ARHGAP5: variants seen among roughly 807,000 people sequenced by gnomAD.
ARHGAP5 encodes the protein Rho GTPase activating protein 5.
Under a neutral mutation model 116.6 loss-of-function variants are expected in ARHGAP5, and 23 were observed. That is an observed-to-expected ratio of 0.20 (90% confidence interval 0.14 to 0.28). The LOEUF (loss-of-function observed/expected upper bound fraction) is 0.28, where lower values mean the gene tolerates loss of function less well. Among genes scored for constraint, ARHGAP5 ranks in the 10% least tolerant of loss-of-function variants. The probability of loss-of-function intolerance (pLI) is 1.00; values close to 1 mark genes in which losing one functional copy is unlikely to be tolerated. For synonymous variants in ARHGAP5, 574 were observed against 602.0 expected (o/e 0.95, Z 0.68); for missense variants, 1,405 against 1,774.8 (o/e 0.79, Z 3.74).
At chr14:32,133,222 G>T (rs1230816274) in intron 3 of ARHGAP5, among the ~76,000 whole-genome samples, 2 of 152,150 alleles carry the variant, frequency 1.3e-5, no homozygotes, top group African/African-American at 4.8e-5. Context: ...CCATGAGCAT[G>T]GAATGTTCTT....
chr14:32,112,394 T>A (rs1038296351), intron 2 of ARHGAP5, among the ~76,000 whole-genome samples: 3 of 152,204 alleles, frequency 2.0e-5, no homozygotes, highest in Admixed American at 1.3e-4. Context: ...CCTAGTCATG[T>A]TTACGTATAC....
chr14:32,077,667 G>T (rs1304287882), intron 1 of ARHGAP5, among the ~76,000 whole-genome samples: 1 of 152,168 alleles, frequency 6.6e-6, no homozygotes, highest in African/African-American at 2.4e-5. Context: ...AGAGGCCGGG[G>T]GAGGGGGTGC....
chr14:32,107,649 T>C (rs1879078357), intron 2 of ARHGAP5, among the ~76,000 whole-genome samples: 1 of 152,220 alleles, frequency 6.6e-6, no homozygotes, highest in Admixed American at 6.5e-5. Flanking sequence ...CAAGGTTGAC[T>C]CCTAGGTTTA....
At chr14:32,118,621 T>C (rs1220755635) in intron 3 of ARHGAP5, among the ~76,000 whole-genome samples, 1 of 152,242 alleles carries the variant, frequency 6.6e-6, no homozygotes. Flanking sequence ...CTCTTTATCA[T>C]TTATTTTTCC....
At chr14:32,151,618 T>C (rs919587624) in intron 5 of ARHGAP5, among the ~76,000 whole-genome samples, 1 of 152,248 alleles carries the variant, frequency 6.6e-6, no homozygotes, top group Non-Finnish European at 1.5e-5. Context: ...AGAAGTTTTA[T>C]TGGAGTATAG....
At chr14:32,131,911 A>T (rs547931706) in intron 3 of ARHGAP5, among the ~76,000 whole-genome samples, 1 of 152,330 alleles carries the variant, frequency 6.6e-6, no homozygotes, top group African/African-American at 2.4e-5. Context: ...AAAGGACATG[A>T]ACTCATCATT....
Position 32,079,935 on chromosome 14 carries a change from A to G in ARHGAP5, c.-169+2500A>G, listed in dbSNP as rs868399374. ...GTACAGTGTTGTTTTAGTGATGTCT[A>G]TGTTCCTAAAAGATACTTGTATTAT... On this transcript the variant is annotated intron_variant, in intron 1 of 6. Coordinates refer to ENST00000345122, the MANE Select transcript of ARHGAP5 (RefSeq NM_001030055.2). 3.9e-5 allele frequency among the ~76,000 whole-genome samples: 6 copies of G among 152,176 alleles called. No homozygotes were observed. The South Asian group carries it at 8.3e-4, about 21-fold the overall frequency.
intron 2 of ARHGAP5, among the ~76,000 whole-genome samples, chr14:32,111,432 A>G (rs1879290622): frequency 6.6e-6 from 1 of 152,218 alleles, no homozygotes; most frequent in African/African-American, 2.4e-5. Context: ...AGTCAAGATG[A>G]GAACTGAGAA....
intron 1 of ARHGAP5, among the ~76,000 whole-genome samples, chr14:32,085,491 C>A (rs539752484): frequency 6.6e-6 from 1 of 152,156 alleles, no homozygotes; most frequent in Non-Finnish European, 1.5e-5. Flanking sequence ...ATCAGTACTA[C>A]ACTCTGTTCA....
In ARHGAP5 at chr14:32,092,721, G is replaced by T; in HGVS notation, c.2052G>T (p.Gln684His). ...GGAAAATAAGAACTGAAGCTTCTCA[G>T]ATCAGAAAAGATAAATACATGGCTA... Reference protein sequence around the residue: ...FIGKIRTEASQIRKDKYMANL... With the variant: ...FIGKIRTEASHIRKDKYMANL... Residue 684 changes from glutamine to histidine, a missense_variant, in exon 2 of 7, where the codon CAG becomes CAT. Physicochemically the swap from Gln to His is conservative, Grantham distance 24. Transcript: ENST00000345122. This position sits in a 1 kb window ranked among gnomAD's most constrained non-coding sequence, Gnocchi z 4.1. 6.2e-7 allele frequency: 1 copy of T among 1,613,598 alleles called. No individual in the cohort carries two copies.
chr14:32,079,774 T>C (rs2041753792), intron 1 of ARHGAP5, among the ~76,000 whole-genome samples: 1 of 152,216 alleles, frequency 6.6e-6, no homozygotes, highest in African/African-American at 2.4e-5. Flanking sequence ...TCTTGGTAGC[T>C]ACAGAATAAG....
rs748648727 is a variant in ARHGAP5 at position 32,154,886 on chromosome 14, C to T, written c.4447C>T (p.Pro1483Ser). 1.9e-6 allele frequency: 3 copies of T among 1,614,014 alleles called. No individual in the cohort carries two copies. The highest frequency in any genetic ancestry group is 1.3e-5 in the African/African-American group (1 of 75,026). ...VEPMVPLQLP[P>S]PLQPQLIQPQ... is the part of the protein sequence containing the mutation. ...ACCAATGGTGCCACTTCAGTTGCCG[C>T]CACCATTGCAACCTCAGCTGATACA... Residue 1483 changes from proline (P) to serine (S), a missense_variant, in exon 7 of 7, where the codon CCA becomes TCA. Pro to Ser is a moderately conservative substitution (Grantham distance 74, BLOSUM62 -1). Coordinates refer to ENST00000345122, the MANE Select transcript of ARHGAP5 (RefSeq NM_001030055.2).
intron 2 of ARHGAP5, among the ~76,000 whole-genome samples, chr14:32,095,141 T>G (rs1878455210): frequency 6.6e-6 from 1 of 152,208 alleles, no homozygotes; most frequent in Admixed American, 6.5e-5. Flanking sequence ...TAGGCTTTTA[T>G]GCTAATGTGT....
intron 2 of ARHGAP5, among the ~76,000 whole-genome samples, chr14:32,104,503 G>T (rs1461358256): frequency 6.6e-6 from 1 of 152,148 alleles, no homozygotes; most frequent in African/African-American, 2.4e-5. Flanking sequence ...GTTTTCTGAA[G>T]TGTGTTTGGA....
chr14:32,130,758 C>T (rs1880445389), intron 3 of ARHGAP5, among the ~76,000 whole-genome samples: 1 of 151,286 alleles, frequency 6.6e-6, no homozygotes, highest in Non-Finnish European at 1.5e-5. Context: ...GTCTCAAACT[C>T]CTGGCCTTGT....
intron 3 of ARHGAP5, among the ~76,000 whole-genome samples, chr14:32,122,660 T>C (rs1429873693): frequency 1.3e-5 from 2 of 152,214 alleles, no homozygotes; most frequent in African/African-American, 4.8e-5. Flanking sequence ...CATTTAGGTC[T>C]GTGATCCATT....
intron 2 of ARHGAP5, among the ~76,000 whole-genome samples, chr14:32,108,816 A>T (rs1338763818): frequency 6.6e-6 from 1 of 152,150 alleles, no homozygotes; most frequent in Non-Finnish European, 1.5e-5. Context: ...AATATAAATG[A>T]TGTTATAGAA....
chr14:32,124,410 A>G (rs1055273601), intron 3 of ARHGAP5, among the ~76,000 whole-genome samples: 1 of 152,190 alleles, frequency 6.6e-6, no homozygotes, highest in African/African-American at 2.4e-5. Context: ...GTACTATCTT[A>G]ATAAGTTGTG....
intron 1 of ARHGAP5, among the ~76,000 whole-genome samples, chr14:32,085,708 C>G (rs993702076): frequency 6.6e-6 from 1 of 152,124 alleles, no homozygotes; most frequent in Admixed American, 6.5e-5. Flanking sequence ...CATGTAATTA[C>G]AAAGTTCCCT....
Sources: allele counts gnomAD v4.1 joint callset (sites outside exome capture counted in the v4.1 genomes callset), GRCh38; gene constraint gnomAD v4.1.1; non-coding constraint Gnocchi (gnomAD v3.1); transcripts MANE v1.5; gene names NCBI Gene and HGNC (gene_info 2026-07-23, HGNC 2026-07-21).